The following SAMD9 variants were observed in gnomAD, a reference collection of about 807,000 sequenced individuals.
SAMD9 encodes the protein sterile alpha motif domain-containing protein 9.
A neutral mutation model predicts 1.5 loss-of-function variants in SAMD9; 3 were observed. That is an observed-to-expected ratio of 2.05 (90% confidence interval 0.93 to 5.29). The LOEUF (loss-of-function observed/expected upper bound fraction) is 5.29. SAMD9 is among the 30% of genes most tolerant of loss of function. The pLI is 0.02. For synonymous variants in SAMD9, 635 were observed against 631.9 expected (o/e 1.00, Z -0.07); for missense variants, 1,597 against 1,820.8 (o/e 0.88, Z 2.24).
At chr7:93,107,772 C>G (rs1791670116) in intron 2 of SAMD9, among the ~76,000 whole-genome samples, 4 of 152,118 alleles carry the variant, frequency 2.6e-5, no homozygotes. Context: ...TCATATGTAA[C>G]TACGGTATAC....
At chr7:93,112,654 C>T (rs185509885) in intron 2 of SAMD9, among the ~76,000 whole-genome samples, 2 of 152,150 alleles carry the variant, frequency 1.3e-5, no homozygotes, top group South Asian at 2.1e-4. Flanking sequence ...TCCTATACAA[C>T]AATAACAGAC....
chr7:93,102,578 CTCTA>C lies in SAMD9; in HGVS notation c.3516_3519del (p.Asp1172GlufsTer5). ...TACAATCTTTCCTTCACTTCATACTCTCTATCTTCACTTTGCTGTTGAGATTCTT... is the reference window on the plus strand; with the variant it reads ...TACAATCTTTCCTTCACTTCATACTCTCTTCACTTTGCTGTTGAGATTCTT... On this transcript the variant is annotated frameshift_variant, in exon 3 of 3. Coordinates refer to ENST00000379958, the MANE Select transcript of SAMD9 (RefSeq NM_017654.4). LOFTEE classifies it low-confidence loss of function (END_TRUNC). 1 of 1,613,884 alleles carries C rather than the reference CTCTA, an allele frequency of 6.2e-7. No homozygotes were observed. The highest frequency in any genetic ancestry group is 1.1e-5 in the South Asian group (1 of 91,076).
At chr7:93,109,798 G>A (rs1313260603) in intron 2 of SAMD9, among the ~76,000 whole-genome samples, 1 of 152,166 alleles carries the variant, frequency 6.6e-6, no homozygotes, top group Non-Finnish European at 1.5e-5. Context: ...CAAGAAATAA[G>A]GGACTATATG....
At chr7:93,106,617 AT>A (rs1371486851) in intron 2 of SAMD9, among the ~76,000 whole-genome samples, 5 of 152,256 alleles carry the variant, frequency 3.3e-5, no homozygotes, top group African/African-American at 1.2e-4. Context: ...TAAGAACCAA[AT>A]AGTAAATATT....
At position 93,102,522 on chromosome 7, in the gene SAMD9, G is replaced by T. The variant is rs1791551431; in HGVS notation, c.3576C>A (p.Tyr1192Ter). 2 of 1,613,648 alleles carry T rather than the reference G, an allele frequency of 1.2e-6. No individual in the cohort carries two copies. The highest frequency in any genetic ancestry group is 1.7e-6 in the Non-Finnish European group (2 of 1,179,658). ...YPKSKRRYDT[Y>*]NIAGYQGEIE... is the part of the protein sequence containing the mutation. ...TCTCTCCTTGATAACCAGCTATATTGTAAGTATCATACCGCCTTTTTGACT... is the reference window on the plus strand; with the variant it reads ...TCTCTCCTTGATAACCAGCTATATTTTAAGTATCATACCGCCTTTTTGACT... Residue 1192 changes from tyrosine to a stop codon, truncating the protein, a stop_gained, in exon 3 of 3, where the codon TAC becomes TAA. Coordinates refer to ENST00000379958, the MANE Select transcript of SAMD9 (RefSeq NM_017654.4). LOFTEE classifies it low-confidence loss of function (END_TRUNC).
At chr7:93,109,876 A>T (rs1791709971) in intron 2 of SAMD9, among the ~76,000 whole-genome samples, 1 of 152,210 alleles carries the variant, frequency 6.6e-6, no homozygotes, top group Admixed American at 6.5e-5. Context: ...AAGTTGGAAA[A>T]CACTCTTCAG....
In SAMD9 at chr7:93,103,246, C is replaced by A. The variant is rs1381643077; in HGVS notation, c.2852G>T (p.Trp951Leu). Reference protein sequence around the residue: ...FLGIGNKKAFWGTEKFEDKMG... With the variant: ...FLGIGNKKAFLGTEKFEDKMG... ...CTTGTCTTCAAATTTTTCTGTCCCC[C>A]AGAAAGCCTTCTTGTTTCCAATTCC... The change falls in exon 3 of 3, where the codon TGG becomes TTG. Residue 951 changes from tryptophan to leucine, a missense_variant. Transcript: ENST00000379958. 6.2e-7 allele frequency: 1 copy of A among 1,613,684 alleles called. No individual in the cohort carries two copies.
intron 2 of SAMD9, among the ~76,000 whole-genome samples, chr7:93,113,578 A>G (rs531188663): frequency 7.9e-5 from 12 of 152,356 alleles, no homozygotes; most frequent in Admixed American, 7.8e-4. Flanking sequence ...AATATCCGGA[A>G]TCTATGAAGA....
At position 93,105,845 on chromosome 7, in the gene SAMD9, T is replaced by C. The variant is rs1562776424; in HGVS notation, c.253A>G (p.Thr85Ala). The C allele has an allele frequency of 1.2e-6, 2 of 1,614,176 alleles. No individual in the cohort carries two copies. The highest frequency in any genetic ancestry group is 1.7e-6 in the Non-Finnish European group (2 of 1,180,016). The change falls in exon 3 of 3, where the codon ACA becomes GCA. Residue 85 changes from threonine (T) to alanine (A), a missense_variant. This residue lies in a region of SAMD9 where 498 missense variants were observed against 457.4 expected (regional missense o/e 1.09). Transcript: ENST00000379958. ...RKTAIEDSIQ[T>A]SKMGKPSKNA... is the part of the protein sequence containing the mutation. ...TTACTGGGCTTTCCCATCTTAGATG[T>C]CTGAATCGAATCTTCAATGGCTGTT...
chr7:93,115,356 C>T (rs1237158197), intron 1 of SAMD9, among the ~76,000 whole-genome samples: 1 of 152,160 alleles, frequency 6.6e-6, no homozygotes, highest in East Asian at 1.9e-4. Context: ...CTCTTTGGAT[C>T]TGCAATTCTC....
chr7:93,102,032 C>G lies in SAMD9; in HGVS notation c.4066G>C (p.Glu1356Gln). Residue 1356 changes from glutamate (E) to glutamine (Q), a missense_variant, in exon 3 of 3, where the codon GAG becomes CAG. Physicochemically the swap from Glu to Gln is conservative, Grantham distance 29. This residue lies in a region of SAMD9 where 682 missense variants were observed against 810.0 expected (regional missense o/e 0.84). Coordinates refer to ENST00000379958, the MANE Select transcript of SAMD9 (RefSeq NM_017654.4). ...GLLEYLIKSQEDAISTMKCIV... is the reference protein window; with the variant it reads ...GLLEYLIKSQQDAISTMKCIV... ...CATTTCATAGTGCTTATAGCATCCT[C>G]TTGACTTTTGATAAGATATTCCAAG... The G allele has an allele frequency of 6.2e-7, 1 of 1,613,368 alleles. No homozygotes were observed. The highest frequency in any genetic ancestry group is 8.5e-7 in the Non-Finnish European group (1 of 1,179,702).
chr7:93,111,484 CA>C (rs1048938215), intron 2 of SAMD9, among the ~76,000 whole-genome samples: 3 of 151,238 alleles, frequency 2.0e-5, no homozygotes, highest in Non-Finnish European at 4.4e-5. Flanking sequence ...GATAGAGACA[CA>C]AAAAACCCTT....
At chr7:93,109,498 A>G (rs1273819682) in intron 2 of SAMD9, among the ~76,000 whole-genome samples, 3 of 152,110 alleles carry the variant, frequency 2.0e-5, no homozygotes, top group East Asian at 1.9e-4. Context: ...ACTGGTAATA[A>G]CAAACTTCTC....
intron 2 of SAMD9, among the ~76,000 whole-genome samples, chr7:93,107,965 TTAAA>T (rs1163358371): frequency 6.6e-6 from 1 of 152,208 alleles, no homozygotes; most frequent in Non-Finnish European, 1.5e-5. Context: ...TACAATAATC[TTAAA>T]TAAAATTTTA....
At chr7:93,115,496 AG>A (rs1458586984) in intron 1 of SAMD9, among the ~76,000 whole-genome samples, 1 of 152,230 alleles carries the variant, frequency 6.6e-6, no homozygotes, top group Non-Finnish European at 1.5e-5. Context: ...AATAGGCAAA[AG>A]TAATCTGTCA....
rs1791520323 is a variant in SAMD9 at position 93,101,144 on chromosome 7, T to C, written c.*184A>G. 3 of 629,466 alleles carry C rather than the reference T, an allele frequency of 4.8e-6. No individual in the cohort carries two copies. Among genetic ancestry groups the C allele is most frequent in the Non-Finnish European group, 8.4e-6 (3 of 355,990 alleles). 39.0% of individuals were successfully genotyped at this position (629,466 alleles called of 1,614,324 possible). A position where few individuals can be genotyped will look rare whatever the true frequency, so the allele number is the denominator to read the frequency against. On this transcript the variant is annotated 3_prime_UTR_variant, in exon 3 of 3. Coordinates refer to ENST00000379958, the MANE Select transcript of SAMD9 (RefSeq NM_017654.4). ...GCTACTTTTCATATATCTCACTCCT[T>C]CCTTTTTCACTATTGTCTTTGTAGA...
chr7:93,115,685 C>T (rs1791821989), intron 1 of SAMD9, among the ~76,000 whole-genome samples: 1 of 151,904 alleles, frequency 6.6e-6, no homozygotes, highest in Non-Finnish European at 1.5e-5. Context: ...GCCAATAATG[C>T]CTCCAAAATA....
intron 2 of SAMD9, among the ~76,000 whole-genome samples, chr7:93,109,869 T>C (rs930952032): frequency 6.6e-6 from 1 of 152,162 alleles, no homozygotes; most frequent in African/African-American, 2.4e-5. Context: ...TGGAACCAAG[T>C]TGGAAAACAC....
chr7:93,104,070 C>T lies in SAMD9; in HGVS notation c.2028G>A (p.Lys676=), dbSNP rs779914159. 6.1e-5 allele frequency: 99 copies of T among 1,613,794 alleles called. No individual in the cohort carries two copies. The highest frequency in any genetic ancestry group is 4.9e-4 in the Middle Eastern group (3 of 6,084). ...GATAGAAGTCTTCCTCTTTTGATGC[C>T]TTGAATTCAAGGAATTTATTTTTGT... ...EKDKNKFLEF[K]ASKEEDFYRG... Residue 676 remains lysine, a synonymous_variant, in exon 3 of 3, where the codon AAG becomes AAA. Coordinates refer to ENST00000379958, the MANE Select transcript of SAMD9 (RefSeq NM_017654.4).
Sources: gnomAD v4.1 joint callset for allele counts (sites outside exome capture counted in the v4.1 genomes callset) on GRCh38, gnomAD v4.1.1 for gene constraint, gnomAD v4.1.1 regional missense constraint, MANE v1.5 for transcripts, NCBI Gene and HGNC (gene_info 2026-07-23, HGNC 2026-07-21) for gene names.